The following NOSIP variants were observed in gnomAD, a reference collection of about 807,000 sequenced individuals.
NOSIP encodes nitric oxide synthase interacting protein.
Under a neutral mutation model 36.4 loss-of-function variants are expected in NOSIP, and 25 were observed. The ratio of observed to expected loss-of-function variants is 0.69; its 90% CI spans 0.50 to 0.96. The LOEUF (loss-of-function observed/expected upper bound fraction) is 0.96. Ranked by LOEUF, NOSIP falls within the 40% of genes least tolerant of loss-of-function variation. NOSIP has a pLI of 0.00. For synonymous variants in NOSIP, 187 were observed against 179.2 expected, an observed-to-expected ratio of 1.04 and a Z score of -0.35; for missense variants, 370 against 429.0, an observed-to-expected ratio of 0.86 and a Z score of 1.21.
At chr19:49,569,872 A>C (rs1486480892) in intron 1 of NOSIP, among the ~76,000 whole-genome samples, 1 of 151,732 alleles carries the variant, frequency 6.6e-6, no homozygotes, top group Non-Finnish European at 1.5e-5. Flanking sequence ...GAGGTGGCTC[A>C]TGCCTGAGGT....
In NOSIP at chr19:49,556,499, G is replaced by A. The variant is rs774886527; in HGVS notation, c.725+50C>T. 8 of 1,607,184 alleles carry A rather than the reference G, an allele frequency of 5.0e-6. 1 individual carries two copies. In the South Asian group the frequency reaches 8.8e-5, roughly 18 times the overall value. ...GACCTACTGGCCCCAAAGCCGGACCGCCCCGCAGGTTCCCGAGTGGTCCCT... is the reference window on the plus strand; with the variant it reads ...GACCTACTGGCCCCAAAGCCGGACCACCCCGCAGGTTCCCGAGTGGTCCCT... On this transcript the variant is annotated intron_variant, in intron 7 of 8. Coordinates refer to ENST00000596358, the MANE Select transcript of NOSIP (RefSeq NM_001270960.2).
chr19:49,570,991 T>C (rs1341284087), intron 1 of NOSIP, among the ~76,000 whole-genome samples: 1 of 152,050 alleles, frequency 6.6e-6, no homozygotes, highest in African/African-American at 2.4e-5. Flanking sequence ...AATTTGTTTT[T>C]TTTGAGATGG....
intron 1 of NOSIP, among the ~76,000 whole-genome samples, chr19:49,566,089 G>A (rs991678890): frequency 6.6e-6 from 1 of 150,494 alleles, no homozygotes; most frequent in African/African-American, 2.5e-5. Context: ...GCGCAATCTC[G>A]GCTCAGTGCA....
chr19:49,560,304 C>T lies in NOSIP; in HGVS notation c.71-265G>A. The T allele has an allele frequency of 1.7e-6, 1 of 577,478 alleles. No homozygotes were observed. The highest frequency in any genetic ancestry group is 3.1e-6 in the Non-Finnish European group (1 of 323,064). 35.8% of individuals were successfully genotyped at this position (577,478 alleles called of 1,614,324 possible). On this transcript the variant is annotated intron_variant, in intron 2 of 8. Transcript: ENST00000596358. This position sits in a 1 kb window ranked among gnomAD's most constrained non-coding sequence, Gnocchi z 4.6. ...GGGGCTGACGGCTGACTCCCCTCCA[C>T]CCTTCTGACTGTGACCAAGCTCAAG...
chr19:49,571,137 A>ATTTTTTTTTTTTTTTTTT (rs60637720), intron 1 of NOSIP, among the ~76,000 whole-genome samples: 1 of 131,362 alleles, frequency 7.6e-6, no homozygotes. Context: ...CGCCCAGCTA[A>ATTTTTTTTTTTTTTTTTT]TTTTTTTTTT....
intron 4 of NOSIP, chr19:49,558,413 A>AT (rs146638349): frequency 0.11 from 16,207 of 148,482 alleles, 1,131 homozygotes; most frequent in African/African-American, 0.19. Flanking sequence ...GCCCGGCTCA[A>AT]TTTTTTTTTT....
At chr19:49,563,883 T>C (rs998744138) in intron 1 of NOSIP, among the ~76,000 whole-genome samples, 5 of 152,162 alleles carry the variant, frequency 3.3e-5, no homozygotes, top group Admixed American at 3.3e-4. Flanking sequence ...ACATTTCCCA[T>C]TGTTCCTAGG....
At chr19:49,559,094 C>A in intron 3 of NOSIP, 116 bp from the exon 4 acceptor site, 2 of 803,538 alleles carry the variant, frequency 2.5e-6, no homozygotes, top group South Asian at 2.9e-5. Context: ...CAATTATTTG[C>A]TAGAATTCAC....
At chr19:49,570,170 A>G (rs2080466842) in intron 1 of NOSIP, among the ~76,000 whole-genome samples, 1 of 152,180 alleles carries the variant, frequency 6.6e-6, no homozygotes, top group African/African-American at 2.4e-5. Context: ...GACACATATT[A>G]GTTGCATTCA....
intron 8 of NOSIP, 65 bp from the exon 9 acceptor site, chr19:49,555,887 T>TG: frequency 1.5e-5 from 18 of 1,202,794 alleles, no homozygotes; most frequent in Non-Finnish European, 2.2e-5. Context: ...GGGCTCCAGG[T>TG]GGTAGTGGGG....
chr19:49,577,232 C>T (rs2080565236), intron 1 of NOSIP, among the ~76,000 whole-genome samples: 1 of 152,064 alleles, frequency 6.6e-6, no homozygotes, highest in South Asian at 2.1e-4. Context: ...ACCTTTTGAC[C>T]CAGCAATTCC....
In NOSIP at chr19:49,555,706, C is replaced by A. The variant is rs553728144; in HGVS notation, c.*45G>T. ...GCCCACGCCGCGAATGAAGGCGCCA[C>A]GTCGTTGCGCACCCAAGCCGGTTTA... On this transcript the variant is annotated 3_prime_UTR_variant, in exon 9 of 9. Transcript: ENST00000596358. 4 of 1,559,732 alleles carry A rather than the reference C, an allele frequency of 2.6e-6. No homozygotes were observed. In the South Asian group the frequency reaches 4.5e-5, roughly 17 times the overall value.
chr19:49,556,690 G>C lies in NOSIP; in HGVS notation c.584C>G (p.Ser195Trp), dbSNP rs747441040. 1.9e-6 allele frequency: 3 copies of C among 1,610,992 alleles called. No individual in the cohort carries two copies. The highest frequency in any genetic ancestry group is 1.7e-6 in the Non-Finnish European group (2 of 1,178,616). The stretch of plus-strand genomic sequence containing the variant: ...TGTGAAGTGCACGGGCGTCAGGTCC[G>C]ACATGCGCAGGGGCTTCCCTGACAT... ...CPMSGKPLRM[S>W]DLTPVHFTPL... The change falls in exon 7 of 9, where the codon TCG (serine) becomes TGG (tryptophan). Residue 195 changes from serine to tryptophan, a missense_variant. This residue lies in a region of NOSIP where 315 missense variants were observed against 331.9 expected (regional missense o/e 0.95). Coordinates refer to ENST00000596358, the MANE Select transcript of NOSIP (RefSeq NM_001270960.2).
rs2080262806 is a variant in NOSIP at position 49,557,115 on chromosome 19, G to A, written c.393C>T (p.Ala131=). 1.2e-6 allele frequency: 2 copies of A among 1,612,826 alleles called. No homozygotes were observed. Among genetic ancestry groups the A allele is most frequent in the Admixed American group, 1.7e-5 (1 of 59,886 alleles). ...IVSRPLNPFT[A]KALSGTSPDD... is the part of the protein sequence containing the mutation. ...CTGGGCTGGTGCCCGAGAGGGCCTTGGCTGTGAAAGGGTTGAGGGGCCGGC... is the reference window on the plus strand; with the variant it reads ...CTGGGCTGGTGCCCGAGAGGGCCTTAGCTGTGAAAGGGTTGAGGGGCCGGC... The change falls in exon 5 of 9, where the codon GCC becomes GCT. Residue 131 remains alanine, a synonymous_variant. Coordinates refer to ENST00000596358, the MANE Select transcript of NOSIP (RefSeq NM_001270960.2).
intron 4 of NOSIP, chr19:49,557,579 A>T: frequency 2.5e-6 from 3 of 1,199,330 alleles, no homozygotes; most frequent in Non-Finnish European, 3.1e-6. Flanking sequence ...GAGTGTTTAC[A>T]GCATGGAGAG....
In NOSIP at chr19:49,560,699, A is replaced by G; in HGVS notation, c.-1-7T>C. 1 of 1,583,742 alleles carries G rather than the reference A, an allele frequency of 6.3e-7. No homozygotes were observed. Among genetic ancestry groups the G allele is most frequent in the Non-Finnish European group, 8.6e-7 (1 of 1,163,990 alleles). On this transcript the variant is annotated splice_polypyrimidine_tract_variant and splice_region_variant and intron_variant, in intron 1 of 8. Transcript: ENST00000596358. The surrounding 1 kb of genome is among the most constrained non-coding windows in gnomAD (Gnocchi z 4.6). ...CTTGCCATGCCGCGTCATCCTAGGG[A>G]GGAAGGGACAGTGGCAGGACTGTGG...
At chr19:49,562,653 G>A (rs1319124885) in intron 1 of NOSIP, among the ~76,000 whole-genome samples, 1 of 152,100 alleles carries the variant, frequency 6.6e-6, no homozygotes, top group East Asian at 1.9e-4. Flanking sequence ...AGCCGAGGCG[G>A]GGGCGGATCA....
At chr19:49,559,204 A>T (rs1311257929) in intron 3 of NOSIP, 2 of 536,258 alleles carry the variant, frequency 3.7e-6, no homozygotes, top group Non-Finnish European at 3.4e-6. Flanking sequence ...GGCAGAATCT[A>T]GTAGAGACTA....
At chr19:49,557,404 A>C in intron 4 of NOSIP, 155 bp from the exon 5 acceptor site, 1 of 1,437,222 alleles carries the variant, frequency 7.0e-7, no homozygotes, top group South Asian at 1.5e-5. Context: ...GTGGGTGTGA[A>C]CCTTACTGCG....
Sources: gnomAD v4.1 joint callset for allele counts (sites outside exome capture counted in the v4.1 genomes callset) on GRCh38, gnomAD v4.1.1 for gene constraint, gnomAD v4.1.1 regional missense constraint, Gnocchi (gnomAD v3.1) non-coding constraint, MANE v1.5 for transcripts, NCBI Gene and HGNC (gene_info 2026-07-23, HGNC 2026-07-21) for gene names.